KCNIP4: variants seen among roughly 807,000 people sequenced by gnomAD.
The protein encoded by KCNIP4 is Kv channel-interacting protein 4.
In KCNIP4, 12 loss-of-function variants were observed where a neutral mutation model predicts 34.0. The ratio of observed to expected loss-of-function variants is 0.35; its 90% confidence interval spans 0.23 to 0.57. KCNIP4 has a LOEUF of 0.57. Among genes scored for constraint, KCNIP4 ranks in the 20% least tolerant of loss-of-function variants. The pLI is 0.83. For missense variants in KCNIP4, 238 were observed against 311.7 expected, an observed-to-expected ratio of 0.76 and a Z score of 1.78; for synonymous variants, 124 against 102.2, an observed-to-expected ratio of 1.21 and a Z score of -1.29.
intron 1 of KCNIP4, among the ~76,000 whole-genome samples, chr4:21,426,736 C>G (rs1725959240): frequency 6.6e-6 from 1 of 151,382 alleles, no homozygotes; most frequent in Non-Finnish European, 1.5e-5. Flanking sequence ...AGAGCCAGGT[C>G]ACGTTTTAAG....
chr4:21,208,117 C>T (rs944698750), intron 1 of KCNIP4, among the ~76,000 whole-genome samples: 10 of 152,114 alleles, frequency 6.6e-5, no homozygotes, highest in African/African-American at 2.4e-4. Context: ...ACAGGGATTA[C>T]AGGTGTGCGC....
intron 1 of KCNIP4, among the ~76,000 whole-genome samples, chr4:21,704,979 G>A (rs1713153453): frequency 6.6e-6 from 1 of 152,120 alleles, no homozygotes; most frequent in Non-Finnish European, 1.5e-5. Context: ...GCCTTTTAAT[G>A]GGTGAATGGT....
intron 1 of KCNIP4, among the ~76,000 whole-genome samples, chr4:21,504,465 C>CAAAAAAAAAAAAAAAAAAAA (rs376644707): frequency 2.0e-4 from 11 of 56,304 alleles, no homozygotes; most frequent in African/African-American, 3.4e-4. Flanking sequence ...GACTCCAACT[C>CAAAAAAAAAAAAAAAAAAAA]AAAAAAAAAA....
intron 1 of KCNIP4, among the ~76,000 whole-genome samples, chr4:21,272,617 G>C (rs1376451567): frequency 1.3e-5 from 2 of 152,076 alleles, no homozygotes; most frequent in African/African-American, 4.8e-5. Flanking sequence ...CAAAATGAAT[G>C]TACTTTGAAG....
chr4:21,724,876 A>G (rs1053236906), intron 1 of KCNIP4, among the ~76,000 whole-genome samples: 3 of 151,958 alleles, frequency 2.0e-5, no homozygotes, highest in Non-Finnish European at 4.4e-5. Flanking sequence ...AACAGACCTA[A>G]CCATACAGTA....
intron 1 of KCNIP4, among the ~76,000 whole-genome samples, chr4:21,023,037 G>T (rs569650636): frequency 8.3e-4 from 126 of 152,136 alleles, no homozygotes; most frequent in Non-Finnish European, 1.5e-3. Context: ...TGGTCAGGCT[G>T]GTCTCGAAGT....
chr4:21,934,523 A>T (rs778143933), intron 1 of KCNIP4, among the ~76,000 whole-genome samples: 5 of 152,056 alleles, frequency 3.3e-5, no homozygotes, highest in Non-Finnish European at 7.4e-5. Context: ...ACTATATAAG[A>T]TCTCTATACT....
At chr4:21,790,212 A>G (rs1474110580) in intron 1 of KCNIP4, among the ~76,000 whole-genome samples, 1 of 152,222 alleles carries the variant, frequency 6.6e-6, no homozygotes, top group Admixed American at 6.5e-5. Context: ...CAAACTAAGC[A>G]CTGTGCTCTC....
At chr4:20,766,427 G>T (rs1032087216) in intron 3 of KCNIP4, among the ~76,000 whole-genome samples, 1 of 152,104 alleles carries the variant, frequency 6.6e-6, no homozygotes, top group Non-Finnish European at 1.5e-5. Context: ...TTAGCCAGGC[G>T]TGGTGGCACA....
intron 1 of KCNIP4, among the ~76,000 whole-genome samples, chr4:20,896,511 G>A (rs1019089757): frequency 4.4e-4 from 67 of 152,288 alleles, no homozygotes; most frequent in African/African-American, 1.5e-3. Flanking sequence ...CACACAGAGA[G>A]GGAAGCAGGC....
At chr4:21,758,463 A>G (rs769601124) in intron 1 of KCNIP4, among the ~76,000 whole-genome samples, 51 of 152,352 alleles carry the variant, frequency 3.3e-4, no homozygotes, top group South Asian at 1.7e-3. Flanking sequence ...GACTTTCTGC[A>G]GGACTTTGGC....
At chr4:21,207,170 G>C (rs1443352892) in intron 1 of KCNIP4, among the ~76,000 whole-genome samples, 1 of 152,040 alleles carries the variant, frequency 6.6e-6, no homozygotes, top group African/African-American at 2.4e-5. Flanking sequence ...TCTGAATTTT[G>C]GTACTAGGAG....
At chr4:20,765,791 T>C (rs1389161509) in intron 3 of KCNIP4, among the ~76,000 whole-genome samples, 1 of 152,224 alleles carries the variant, frequency 6.6e-6, no homozygotes, top group Non-Finnish European at 1.5e-5. Context: ...CTTTGCAATA[T>C]AACTGCCATA....
intron 1 of KCNIP4, among the ~76,000 whole-genome samples, chr4:21,923,192 G>A (rs1729031429): frequency 6.6e-6 from 1 of 152,120 alleles, no homozygotes; most frequent in African/African-American, 2.4e-5. Flanking sequence ...AAAGAATATA[G>A]GACTAAGCTT....
chr4:21,614,583 AATTAC>A (rs1402284756), intron 1 of KCNIP4, among the ~76,000 whole-genome samples: 5 of 148,422 alleles, frequency 3.4e-5, no homozygotes, highest in African/African-American at 1.2e-4. Context: ...TATAAAATAA[AATTAC>A]ATTACATTAA....
At chr4:21,897,569 G>A (rs1421562639) in intron 1 of KCNIP4, among the ~76,000 whole-genome samples, 1 of 152,114 alleles carries the variant, frequency 6.6e-6, no homozygotes, top group Non-Finnish European at 1.5e-5. Flanking sequence ...AGGGGAAAAA[G>A]ATATATTTAG....
intron 1 of KCNIP4, among the ~76,000 whole-genome samples, chr4:21,526,549 T>C (rs912469275): frequency 6.6e-6 from 1 of 152,092 alleles, no homozygotes; most frequent in East Asian, 1.9e-4. Flanking sequence ...TTGATTGATA[T>C]GTATATCAAT....
At chr4:20,949,247 T>C (rs1732518739) in intron 1 of KCNIP4, among the ~76,000 whole-genome samples, 1 of 152,230 alleles carries the variant, frequency 6.6e-6, no homozygotes, top group Non-Finnish European at 1.5e-5. Flanking sequence ...CTGTAGCATC[T>C]TGAAACTCTT....
rs79147240 is a variant in KCNIP4 at position 21,256,209 on chromosome 4, G to T, written c.62-373500C>A. Among the ~76,000 whole-genome samples the T allele has an allele frequency of 5.3e-3, 807 of 152,264 alleles. 2 individuals carry two copies. The highest frequency in any genetic ancestry group is 0.025 in the South Asian group (120 of 4,816). ...TTGAGAAAGTGTGCTATATGAGGAG[G>T]ACACTGCAAGTACAAATTTCCTGGG... On this transcript the variant is annotated intron_variant, in intron 1 of 8. Transcript: ENST00000382152.
Sources: allele counts gnomAD v4.1 joint callset (sites outside exome capture counted in the v4.1 genomes callset), GRCh38; gene constraint gnomAD v4.1.1; transcripts MANE v1.5; gene names NCBI Gene and HGNC (gene_info 2026-07-23, HGNC 2026-07-21).